Variants in DNASE2B observed in about 807,000 individuals in gnomAD.
DNASE2B encodes the protein deoxyribonuclease 2 beta, also known as deoxyribonuclease-2-beta.
In DNASE2B, 43 loss-of-function variants were observed where a neutral mutation model predicts 46.0. The ratio of observed to expected loss-of-function variants is 0.94; its 90% CI spans 0.73 to 1.21. The LOEUF (loss-of-function observed/expected upper bound fraction) is 1.21. Ranked by LOEUF, DNASE2B falls within the 50% of genes most tolerant of loss-of-function variation. The pLI, the probability that DNASE2B is intolerant of heterozygous loss-of-function variation, is 0.00. For synonymous variants in DNASE2B, 156 were observed against 152.5 expected (o/e 1.02, Z -0.17); for missense variants, 395 against 414.4 (o/e 0.95, Z 0.41).
At chr1:84,399,776 G>A (rs569977771) in intron 1 of DNASE2B, among the ~76,000 whole-genome samples, 1 of 152,180 alleles carries the variant, frequency 6.6e-6, no homozygotes, top group Admixed American at 6.5e-5. Context: ...CAAGGGGTCT[G>A]TGTGCTGAGC....
intron 2 of DNASE2B, among the ~76,000 whole-genome samples, chr1:84,403,985 T>C (rs601564): frequency 0.59 from 72,926 of 124,520 alleles, 19,467 homozygotes; most frequent in East Asian, 0.65. Flanking sequence ...GCGGAGGGGG[T>C]GGGTAAAGAT....
intron 1 of DNASE2B, among the ~76,000 whole-genome samples, chr1:84,400,098 G>T (rs1680379147): frequency 6.6e-6 from 1 of 152,188 alleles, no homozygotes; most frequent in African/African-American, 2.4e-5. Flanking sequence ...GCCAGGCGTG[G>T]TGGCTCACGC....
intron 1 of DNASE2B, among the ~76,000 whole-genome samples, chr1:84,399,049 CAGAGT>C (rs1225674297): frequency 1.3e-5 from 2 of 152,190 alleles, no homozygotes; most frequent in African/African-American, 4.8e-5. Context: ...GAAAGACTGA[CAGAGT>C]AAAGAAGGCA....
rs368296260 is a variant in DNASE2B at position 84,414,634 on chromosome 1, T to G, written c.852T>G (p.His284Gln). The G allele has an allele frequency of 2.8e-5, 46 of 1,614,054 alleles. No individual in the cohort carries two copies. The African/African-American group carries it at 3.6e-4, about 13-fold the overall frequency. The change falls in exon 6 of 6, where the codon CAT becomes CAG. Residue 284 changes from histidine to glutamine, a missense_variant. His to Gln is a conservative substitution (Grantham distance 24, BLOSUM62 0). Transcript: ENST00000370665. ...CTTCAAACTGCTCCCTTCCTTACCA[T>G]GTCTACAATATAAAAGCAATTAAAT... ...ELPSNCSLPY[H>Q]VYNIKAIKLS...
chr1:84,407,256 T>C (rs1009301206), intron 2 of DNASE2B, among the ~76,000 whole-genome samples: 4 of 152,196 alleles, frequency 2.6e-5, no homozygotes, highest in African/African-American at 7.2e-5. Context: ...AATTCCTCCA[T>C]GTTGTACCCC....
intron 2 of DNASE2B, among the ~76,000 whole-genome samples, chr1:84,403,791 A>T (rs553775): frequency 0.53 from 80,480 of 151,558 alleles, 21,388 homozygotes; most frequent in East Asian, 0.61. Context: ...AGCAATCTTT[A>T]TATTTTTTTC....
At position 84,414,523 on chromosome 1, in the gene DNASE2B, C is replaced by A; in HGVS notation, c.746-5C>A. The A allele has an allele frequency of 6.3e-7, 1 of 1,599,106 alleles. No homozygotes were observed. The highest frequency in any genetic ancestry group is 8.5e-7 in the Non-Finnish European group (1 of 1,173,018). ...CCTCACTATCTTTCTCCTCCTAAAC[C>A]CTAGACATCTTTGCAGCCTGGATGG... On this transcript the variant is annotated splice_region_variant and splice_polypyrimidine_tract_variant and intron_variant, in intron 5 of 5. Coordinates refer to ENST00000370665, the MANE Select transcript of DNASE2B (RefSeq NM_021233.3).
intron 2 of DNASE2B, among the ~76,000 whole-genome samples, chr1:84,403,793 A>T (rs941496862): frequency 6.6e-6 from 1 of 151,548 alleles, no homozygotes; most frequent in African/African-American, 2.4e-5. Flanking sequence ...CAATCTTTAT[A>T]TTTTTTTCTT....
intron 2 of DNASE2B, among the ~76,000 whole-genome samples, chr1:84,406,076 T>A (rs1373266841): frequency 6.6e-6 from 1 of 152,152 alleles, no homozygotes; most frequent in Non-Finnish European, 1.5e-5. Context: ...TGTGAGTTTT[T>A]TTTTTCAAAT....
intron 4 of DNASE2B, among the ~76,000 whole-genome samples, chr1:84,411,408 A>G (rs1680589103): frequency 6.8e-6 from 1 of 146,666 alleles, no homozygotes; most frequent in Non-Finnish European, 1.5e-5. Context: ...ATTTCTCATG[A>G]AGTACCAGAA....
rs1381085647 is a variant in DNASE2B, at chr1:84,412,553, A to G, written c.745+7A>G. The stretch of plus-strand genomic sequence containing the variant: ...TCGGATTCTTTTCTTGACGGTATGA[A>G]AGACCATCATCAAACAACATGCTGT... On this transcript the variant is annotated splice_region_variant and intron_variant, in intron 5 of 5. Transcript: ENST00000370665. The G allele has an allele frequency of 1.9e-6, 3 of 1,599,506 alleles. No homozygotes were observed. The highest frequency in any genetic ancestry group is 3.4e-5 in the Admixed American group (2 of 59,062).
At chr1:84,411,365 A>G (rs1164201957) in intron 4 of DNASE2B, among the ~76,000 whole-genome samples, 10 of 152,114 alleles carry the variant, frequency 6.6e-5, no homozygotes. Flanking sequence ...GTGGCTCTAC[A>G]GGAATACAAG....
chr1:84,402,596 A>T (rs1441114606), intron 2 of DNASE2B, among the ~76,000 whole-genome samples: 1 of 152,194 alleles, frequency 6.6e-6, no homozygotes, highest in African/African-American at 2.4e-5. Flanking sequence ...CCTAGAACTA[A>T]CTTGTCTGGA....
chr1:84,402,028 A>C lies in DNASE2B; in HGVS notation c.253A>C (p.Ser85Arg). Residue 85 changes from serine to arginine, a missense_variant, in exon 2 of 6, where the codon AGT becomes CGT. By Grantham distance (110) the Ser-to-Arg change is moderately radical. Transcript: ENST00000370665. ...TGAGCAACTAATGAATGACACCAAG[A>C]GTGTTTTGGGAAGGACATTACAACA... Reference protein sequence around the residue: ...KSEQLMNDTKSVLGRTLQQLY... With the variant: ...KSEQLMNDTKRVLGRTLQQLY... 6.2e-7 allele frequency: 1 copy of C among 1,610,872 alleles called. No individual in the cohort carries two copies. The highest frequency in any genetic ancestry group is 8.5e-7 in the Non-Finnish European group (1 of 1,178,784).
At chr1:84,414,411 G>A (rs2101855796) in intron 5 of DNASE2B, 117 bp from the exon 6 acceptor site, 2 of 822,226 alleles carry the variant, frequency 2.4e-6, no homozygotes, top group Non-Finnish European at 3.7e-6. Flanking sequence ...TGTTATTATT[G>A]TGCTCGTGAC....
chr1:84,404,728 A>G (rs1680472240), intron 2 of DNASE2B, among the ~76,000 whole-genome samples: 1 of 152,198 alleles, frequency 6.6e-6, no homozygotes, highest in Non-Finnish European at 1.5e-5. Flanking sequence ...AACTTTAGAG[A>G]CAAAGCATCA....
At chr1:84,407,315 G>A (rs1338310657) in intron 2 of DNASE2B, among the ~76,000 whole-genome samples, 1 of 152,154 alleles carries the variant, frequency 6.6e-6, no homozygotes, top group East Asian at 1.9e-4. Context: ...GGTTCACAGA[G>A]TAACTAACTC....
chr1:84,401,228 T>C (rs1416761379), intron 1 of DNASE2B, among the ~76,000 whole-genome samples: 1 of 152,130 alleles, frequency 6.6e-6, no homozygotes, highest in Admixed American at 6.5e-5. Flanking sequence ...GCAGGGATCT[T>C]ACAATGCACA....
intron 1 of DNASE2B, among the ~76,000 whole-genome samples, chr1:84,399,066 A>G (rs1680355230): frequency 1.3e-5 from 2 of 152,212 alleles, no homozygotes; most frequent in South Asian, 4.1e-4. Flanking sequence ...AAGAAGGCAG[A>G]TTATTTTTTT....
Sources: allele counts gnomAD v4.1 joint callset (sites outside exome capture counted in the v4.1 genomes callset), GRCh38; gene constraint gnomAD v4.1.1; transcripts MANE v1.5; gene names NCBI Gene and HGNC (gene_info 2026-07-23, HGNC 2026-07-21).